Variants in TNS3 observed in about 807,000 individuals in gnomAD.
TNS3 encodes tensin-3.
A neutral mutation model predicts 140.9 loss-of-function variants in TNS3; 45 were observed. The ratio of observed to expected loss-of-function variants is 0.32; its 90% CI spans 0.25 to 0.41. The LOEUF is 0.41. TNS3 is among the 10% of genes least tolerant of loss of function. TNS3 has a pLI of 1.00. For missense variants in TNS3, 1,716 were observed against 1,906.7 expected (o/e 0.90, Z 1.86); for synonymous variants, 815 against 788.4 (o/e 1.03, Z -0.56).
chr7:47,479,050 G>C (rs1014255167), intron 4 of TNS3, among the ~76,000 whole-genome samples: 1 of 152,168 alleles, frequency 6.6e-6, no homozygotes, highest in South Asian at 2.1e-4. Flanking sequence ...CAGGGAGGCC[G>C]TGTCCTGACG....
chr7:47,337,807 C>CT (rs1427079783), intron 20 of TNS3, among the ~76,000 whole-genome samples: 1 of 152,250 alleles, frequency 6.6e-6, no homozygotes, highest in Non-Finnish European at 1.5e-5. Flanking sequence ...TTCCCGACCT[C>CT]TTACTCCACC....
intron 3 of TNS3, among the ~76,000 whole-genome samples, chr7:47,486,205 G>C (rs1797609656): frequency 6.6e-6 from 1 of 152,032 alleles, no homozygotes; most frequent in Admixed American, 6.6e-5. Context: ...GAGTGGGTGA[G>C]TCAGTAGTTA....
rs148429529 is a variant in TNS3 at position 47,481,875 on chromosome 7, C to A, written c.-114-734G>T. Among the ~76,000 whole-genome samples the A allele has an allele frequency of 7.6e-3, 1,153 of 152,310 alleles. 10 individuals carry two copies. The highest frequency in any genetic ancestry group is 0.026 in the African/African-American group (1,086 of 41,556). ...TCTCCACCACTTACTAGCCACAGGA[C>A]CTTGGCCTTTAATCTCTCTGGGCCT... On this transcript the variant is annotated intron_variant, in intron 3 of 30. Coordinates refer to ENST00000311160, the MANE Select transcript of TNS3 (RefSeq NM_022748.12).
intron 20 of TNS3, among the ~76,000 whole-genome samples, chr7:47,306,745 C>A (rs1562576758): frequency 6.6e-6 from 1 of 152,046 alleles, no homozygotes; most frequent in Admixed American, 6.6e-5. Flanking sequence ...CGGCTAATTT[C>A]TTTTTGTATT....
At chr7:47,466,093 T>G (rs974863430) in intron 4 of TNS3, among the ~76,000 whole-genome samples, 12 of 152,210 alleles carry the variant, frequency 7.9e-5, no homozygotes, top group Admixed American at 2.6e-4. Context: ...GATTTATTTT[T>G]ACAGTCTAAG....
chr7:47,435,519 G>A, intron 7 of TNS3, 115 bp from the exon 8 acceptor site: 1 of 1,469,486 alleles, frequency 6.8e-7, no homozygotes, highest in Non-Finnish European at 9.3e-7. Context: ...AGAACATGCT[G>A]GGTGACCCTT....
intron 2 of TNS3, among the ~76,000 whole-genome samples, chr7:47,526,117 C>T (rs1799183687): frequency 6.6e-6 from 1 of 152,208 alleles, no homozygotes; most frequent in Non-Finnish European, 1.5e-5. Context: ...TTCGTTGGTT[C>T]CATTTACTCT....
chr7:47,496,090 G>A (rs977555549), intron 3 of TNS3, among the ~76,000 whole-genome samples: 20 of 152,168 alleles, frequency 1.3e-4, no homozygotes, highest in African/African-American at 4.6e-4. Flanking sequence ...CCTGGATTGA[G>A]GAGAGGAGAG....
intron 4 of TNS3, among the ~76,000 whole-genome samples, chr7:47,471,694 G>C (rs1043399815): frequency 6.6e-6 from 1 of 152,196 alleles, no homozygotes; most frequent in African/African-American, 2.4e-5. Context: ...AGCAGAATGC[G>C]GCAGTTTGGA....
intron 27 of TNS3, among the ~76,000 whole-genome samples, chr7:47,285,394 G>A (rs1297678569): frequency 6.6e-6 from 1 of 152,112 alleles, no homozygotes; most frequent in Non-Finnish European, 1.5e-5. Context: ...TCATGGGGGT[G>A]GGTTTTTCCC....
At chr7:47,460,212 CAAAAAAA>C (rs10526565) in intron 4 of TNS3, among the ~76,000 whole-genome samples, 1 of 115,052 alleles carries the variant, frequency 8.7e-6, no homozygotes, top group African/African-American at 3.7e-5. Flanking sequence ...GACTCTGTCC[CAAAAAAA>C]AAAAAAAAAA....
chr7:47,485,950 ATGAGTG>A (rs1170986916), intron 3 of TNS3, among the ~76,000 whole-genome samples: 2 of 150,590 alleles, frequency 1.3e-5, no homozygotes, highest in African/African-American at 4.9e-5. Flanking sequence ...GTGTGTGTGG[ATGAGTG>A]TGAGTGTGGG....
At chr7:47,380,556 G>A (rs933325720) in intron 16 of TNS3, among the ~76,000 whole-genome samples, 15 of 152,260 alleles carry the variant, frequency 9.9e-5, no homozygotes, top group African/African-American at 2.9e-4. Context: ...CTTCTTGCCC[G>A]GTTAAAGCAT....
chr7:47,389,142 A>T (rs141108468), intron 16 of TNS3, among the ~76,000 whole-genome samples: 1 of 51,168 alleles, frequency 2.0e-5, no homozygotes, highest in East Asian at 5.4e-4. Flanking sequence ...GAAGAAGAAG[A>T]AGAAGAAGAA....
chr7:47,500,864 G>C (rs1418642979), intron 3 of TNS3, among the ~76,000 whole-genome samples: 1 of 152,090 alleles, frequency 6.6e-6, no homozygotes, highest in Non-Finnish European at 1.5e-5. Flanking sequence ...TGGATCACTT[G>C]AGGTTAGGAG....
chr7:47,567,409 GCA>G (rs750124490), intron 1 of TNS3, among the ~76,000 whole-genome samples: 3 of 152,162 alleles, frequency 2.0e-5, no homozygotes, highest in Non-Finnish European at 4.4e-5. Context: ...GTGAGGCCAG[GCA>G]CAGTGGCTCA....
intron 3 of TNS3, among the ~76,000 whole-genome samples, chr7:47,486,617 A>T (rs541806445): frequency 1.8e-4 from 27 of 152,220 alleles, no homozygotes; most frequent in African/African-American, 6.5e-4. Flanking sequence ...AGTGAGATCA[A>T]CTCTTCAAAC....
chr7:47,389,002 G>GAA (rs1393507648), intron 16 of TNS3, among the ~76,000 whole-genome samples: 2 of 6,622 alleles, frequency 3.0e-4, no homozygotes, highest in Non-Finnish European at 2.8e-3. Flanking sequence ...AGAAGAAGAA[G>GAA]GAAGAAGAAG....
At chr7:47,396,483 G>A (rs559808778) in intron 16 of TNS3, 39 of 324,262 alleles carry the variant, frequency 1.2e-4, no homozygotes, top group African/African-American at 6.5e-4. Context: ...CGGAAGGGAC[G>A]GAAGAAGGGG....
Sources: gnomAD v4.1 joint callset for allele counts (sites outside exome capture counted in the v4.1 genomes callset) on GRCh38, gnomAD v4.1.1 for gene constraint, MANE v1.5 for transcripts, NCBI Gene and HGNC (gene_info 2026-07-23, HGNC 2026-07-21) for gene names.